The following ADAM10 variants were observed in gnomAD, a reference collection of about 807,000 sequenced individuals.
ADAM10 encodes disintegrin and metalloproteinase domain-containing protein 10.
In ADAM10, 17 loss-of-function variants were observed where a neutral mutation model predicts 90.1. The ratio of observed to expected loss-of-function variants is 0.19; its 90% CI spans 0.13 to 0.28. The LOEUF (loss-of-function observed/expected upper bound fraction) is 0.28. Among genes scored for constraint, ADAM10 ranks in the 10% least tolerant of loss-of-function variants. ADAM10 has a pLI of 1.00. For synonymous variants in ADAM10, 310 were observed against 298.6 expected, an observed-to-expected ratio of 1.04 and a Z score of -0.40; for missense variants, 610 against 914.3, an observed-to-expected ratio of 0.67 and a Z score of 4.29.
rs1338435270 is a variant in ADAM10, at chr15:58,611,998, G to A, written c.1512-7C>T. On this transcript the variant is annotated splice_region_variant and splice_polypyrimidine_tract_variant and intron_variant, in intron 11 of 15. Coordinates refer to ENST00000260408, the MANE Select transcript of ADAM10 (RefSeq NM_001110.4). Reference sequence around the variant, plus strand: ...ACAAGGACCTTGACTTGGACTAGAGGAAACATTAAGTGATTAAACAAAGTA... The same window carrying A: ...ACAAGGACCTTGACTTGGACTAGAGAAAACATTAAGTGATTAAACAAAGTA... 3 of 1,613,294 alleles carry A rather than the reference G, an allele frequency of 1.9e-6. No individual in the cohort carries two copies. Among genetic ancestry groups the A allele is most frequent in the Admixed American group, 1.7e-5 (1 of 59,998 alleles).
intron 2 of ADAM10, among the ~76,000 whole-genome samples, chr15:58,715,096 G>C (rs1040910505): frequency 1.3e-5 from 2 of 152,154 alleles, no homozygotes; most frequent in Non-Finnish European, 2.9e-5. Flanking sequence ...CAGTAAGTTT[G>C]TATAGTTAAT....
intron 5 of ADAM10, among the ~76,000 whole-genome samples, chr15:58,659,296 T>C (rs775349021): frequency 9.2e-5 from 14 of 152,012 alleles, no homozygotes; most frequent in Non-Finnish European, 1.3e-4. Context: ...AAAAAGCTTT[T>C]ATTCCTGGTC....
chr15:58,733,117 A>G (rs531293369), intron 1 of ADAM10: 3 of 152,382 alleles, frequency 2.0e-5, no homozygotes, highest in Admixed American at 1.3e-4. Flanking sequence ...ATTAGGCATT[A>G]GAGTTCACAC....
At chr15:58,632,549 T>C (rs968813635) in intron 9 of ADAM10, among the ~76,000 whole-genome samples, 1 of 152,210 alleles carries the variant, frequency 6.6e-6, no homozygotes, top group South Asian at 2.1e-4. Flanking sequence ...ACACTGCCCC[T>C]GAAGCCTAAA....
At position 58,605,206 on chromosome 15, in the gene ADAM10, A is replaced by G. The variant is rs529067452; in HGVS notation, c.2025+5091T>C. Among the ~76,000 whole-genome samples, 3 of 152,338 alleles carry G rather than the reference A, an allele frequency of 2.0e-5. No individual in the cohort carries two copies. In the East Asian group the frequency reaches 5.8e-4, roughly 29 times the overall value. ...GATGTATAATAAAATATGGCACTCA[A>G]GCCCTTCAGAACTTCCAGTTCCTTC... On this transcript the variant is annotated intron_variant, in intron 14 of 15. Coordinates refer to ENST00000260408, the MANE Select transcript of ADAM10 (RefSeq NM_001110.4).
At chr15:58,662,365 C>T (rs1416643679) in intron 5 of ADAM10, among the ~76,000 whole-genome samples, 2 of 152,144 alleles carry the variant, frequency 1.3e-5, no homozygotes, top group South Asian at 2.1e-4. Flanking sequence ...CAGGGTCTCG[C>T]GCTGCTGCCC....
chr15:58,645,721 C>G (rs1896528633), intron 6 of ADAM10, among the ~76,000 whole-genome samples: 1 of 152,022 alleles, frequency 6.6e-6, no homozygotes, highest in Non-Finnish European at 1.5e-5. Context: ...AATAAAAATA[C>G]AGAAAAAAAA....
chr15:58,619,341 A>C (rs1403071444), intron 11 of ADAM10, among the ~76,000 whole-genome samples: 4 of 152,188 alleles, frequency 2.6e-5, no homozygotes, highest in Admixed American at 2.6e-4. Flanking sequence ...GGTAGTGGAG[A>C]GGTGGATAAA....
At chr15:58,646,986 C>T (rs1057162280) in intron 5 of ADAM10, among the ~76,000 whole-genome samples, 2 of 152,208 alleles carry the variant, frequency 1.3e-5, no homozygotes, top group Non-Finnish European at 2.9e-5. Flanking sequence ...GACACTACCT[C>T]TTCTGATCTT....
At chr15:58,636,387 G>A (rs1478473973) in intron 8 of ADAM10, among the ~76,000 whole-genome samples, 3 of 152,058 alleles carry the variant, frequency 2.0e-5, no homozygotes, top group Admixed American at 2.0e-4. Flanking sequence ...TGAAAGTTAT[G>A]GTTTAATTTT....
chr15:58,690,024 G>T lies in ADAM10; in HGVS notation c.207-7710C>A, dbSNP rs900886030. On this transcript the variant is annotated intron_variant, in intron 2 of 15. Coordinates refer to ENST00000260408, the MANE Select transcript of ADAM10 (RefSeq NM_001110.4). ...AAATCCAACCAAAAACTAGAAAACT[G>T]AACAAAGCAATAAATAAAAAGGACA... 2.1e-5 allele frequency among the ~76,000 whole-genome samples: 3 copies of T among 143,274 alleles called. No individual in the cohort carries two copies. In the East Asian group the frequency reaches 6.2e-4, roughly 30 times the overall value. 94.0% of individuals were successfully genotyped at this position (143,274 alleles called of 152,430 possible). A position where few individuals can be genotyped will look rare whatever the true frequency, so the allele number is the denominator to read the frequency against.
Position 58,646,207 on chromosome 15 carries a change from ATAC to A in ADAM10, c.586-6_586-4del. 1 of 1,611,592 alleles carries A rather than the reference ATAC, an allele frequency of 6.2e-7. No homozygotes were observed. Among genetic ancestry groups the A allele is most frequent in the Non-Finnish European group, 8.5e-7 (1 of 1,179,514 alleles). Reference sequence around the variant, plus strand: ...GCAGCATGTTCTTCTTGAGGTATCTATACATCAAAAAGTCATTTCTGACAATTA... The same window carrying A: ...GCAGCATGTTCTTCTTGAGGTATCTAATCAAAAAGTCATTTCTGACAATTA... On this transcript the variant is annotated splice_region_variant and splice_polypyrimidine_tract_variant and intron_variant, in intron 5 of 15. Coordinates refer to ENST00000260408, the MANE Select transcript of ADAM10 (RefSeq NM_001110.4).
intron 14 of ADAM10, chr15:58,609,931 A>G (rs577144456): frequency 2.3e-5 from 6 of 264,842 alleles, no homozygotes; most frequent in African/African-American, 1.4e-4. Context: ...AAAATCACCA[A>G]TTAGTCCACG....
intron 2 of ADAM10, among the ~76,000 whole-genome samples, chr15:58,696,330 C>T (rs1450674063): frequency 2.0e-5 from 3 of 150,594 alleles, no homozygotes; most frequent in East Asian, 3.9e-4. Context: ...ATACACCCTA[C>T]CCAAAGAAAT....
At chr15:58,701,038 G>C (rs1331682724) in intron 2 of ADAM10, among the ~76,000 whole-genome samples, 1 of 135,232 alleles carries the variant, frequency 7.4e-6, no homozygotes, top group African/African-American at 2.8e-5. Flanking sequence ...AAAAAAAACA[G>C]GGCAGAATTC....
chr15:58,628,649 C>G (rs2140667974), intron 9 of ADAM10, among the ~76,000 whole-genome samples: 1 of 152,248 alleles, frequency 6.6e-6, no homozygotes, highest in South Asian at 2.1e-4. Flanking sequence ...CCCAGCAGCC[C>G]CTACCATCCT....
intron 1 of ADAM10, among the ~76,000 whole-genome samples, chr15:58,722,089 C>T (rs1032688770): frequency 3.3e-5 from 5 of 151,706 alleles, no homozygotes; most frequent in African/African-American, 1.2e-4. Flanking sequence ...CCTGTAATCC[C>T]AGCACTTTGG....
rs556637604 is a variant in ADAM10 at position 58,602,933 on chromosome 15, C to T, written c.2026-3209G>A. On this transcript the variant is annotated intron_variant, in intron 14 of 15. Coordinates refer to ENST00000260408, the MANE Select transcript of ADAM10 (RefSeq NM_001110.4). ...GATTTTTCAAGAGAAGCAATATATC[C>T]GAATTTTTATTTAAAATCTATTTTT... Among the ~76,000 whole-genome samples the T allele has an allele frequency of 1.1e-4, 16 of 152,268 alleles. No homozygotes were observed. In the East Asian group the frequency reaches 2.3e-3, roughly 22 times the overall value.
chr15:58,736,582 T>C (rs1899437771), intron 1 of ADAM10, among the ~76,000 whole-genome samples: 1 of 152,066 alleles, frequency 6.6e-6, no homozygotes, highest in Non-Finnish European at 1.5e-5. Context: ...AGAGTACAAC[T>C]TATTTTCAAA....
Sources: allele counts gnomAD v4.1 joint callset (sites outside exome capture counted in the v4.1 genomes callset), GRCh38; gene constraint gnomAD v4.1.1; transcripts MANE v1.5; gene names NCBI Gene and HGNC (gene_info 2026-07-23, HGNC 2026-07-21).